MASP1: variants seen among roughly 807,000 people sequenced by gnomAD.
The protein encoded by MASP1 is mannan-binding lectin serine protease 1.
In MASP1, 59 loss-of-function variants were observed where a neutral mutation model predicts 77.1. The ratio of observed to expected loss-of-function variants is 0.77; its 90% CI spans 0.62 to 0.95. The LOEUF is 0.95. MASP1 is among the 40% of genes least tolerant of loss of function. MASP1 has a pLI of 0.00. For missense variants in MASP1, 885 were observed against 912.9 expected, an observed-to-expected ratio of 0.97 and a Z score of 0.39; for synonymous variants, 362 against 354.5, an observed-to-expected ratio of 1.02 and a Z score of -0.24.
intron 8 of MASP1, among the ~76,000 whole-genome samples, chr3:187,249,602 T>C (rs1579511070): frequency 6.6e-6 from 1 of 152,360 alleles, no homozygotes; most frequent in East Asian, 1.9e-4. Flanking sequence ...ATGATTTATA[T>C]AGACTATATC....
chr3:187,282,374 G>C (rs1717491589), intron 2 of MASP1, among the ~76,000 whole-genome samples: 1 of 151,838 alleles, frequency 6.6e-6, no homozygotes, highest in Non-Finnish European at 1.5e-5. Context: ...GCATGTGCCT[G>C]TCGTCCCAGC....
At position 187,286,031 on chromosome 3, in the gene MASP1, A is replaced by C. The variant is rs1186579194; in HGVS notation, c.31T>G (p.Cys11Gly). 1 of 1,614,090 alleles carries C rather than the reference A, an allele frequency of 6.2e-7. No homozygotes were observed. Among genetic ancestry groups the C allele is most frequent in the South Asian group, 1.1e-5 (1 of 91,090 alleles). The part of the protein sequence containing the change: MRWLLLYYAL[C>G]FSLSKASAHT... ...GCTGAAGCCTTTGACAGGGAGAAGC[A>C]CAGAGCATAATAGAGAAGCAGCCAC... Residue 11 changes from cysteine (C) to glycine (G), a missense_variant, in exon 2 of 11, where the codon TGC (cysteine) becomes GGC (glycine). Coordinates refer to ENST00000296280, the MANE Select transcript of MASP1 (RefSeq NM_139125.4).
At chr3:187,262,770 C>T in intron 2 of MASP1, 50 bp from the exon 3 acceptor site, 3 of 1,558,124 alleles carry the variant, frequency 1.9e-6, no homozygotes, top group Non-Finnish European at 2.7e-6. Flanking sequence ...CCCAGCTAGG[C>T]TTCTTTCCTT....
rs1714757855 is a variant in MASP1 at position 187,253,080 on chromosome 3, T to A, written c.892+88A>T. The A allele has an allele frequency of 1.9e-6, 3 of 1,573,560 alleles. No individual in the cohort carries two copies. In the South Asian group the frequency reaches 3.3e-5, roughly 18 times the overall value. On this transcript the variant is annotated intron_variant, in intron 6 of 10. Transcript: ENST00000296280. ...AGTCCCATCAGGTCTCCAGAGGAGA[T>A]CCAAGCCTGCACACCTCCTCCCTCA... is the stretch of plus-strand genomic sequence containing the variant.
chr3:187,284,415 A>G (rs1028475809), intron 2 of MASP1, among the ~76,000 whole-genome samples: 6 of 152,212 alleles, frequency 3.9e-5, no homozygotes, highest in Non-Finnish European at 8.8e-5. Flanking sequence ...TAAAAATCCC[A>G]CAATGCTCAA....
rs190840845 is a variant in MASP1, at chr3:187,279,853, C to T, written c.237+5972G>A. Among the ~76,000 whole-genome samples the T allele has an allele frequency of 6.6e-5, 10 of 152,360 alleles. No individual in the cohort carries two copies. In the East Asian group the frequency reaches 1.9e-3, roughly 29 times the overall value. On this transcript the variant is annotated intron_variant, in intron 2 of 10. Transcript: ENST00000296280. The stretch of plus-strand genomic sequence containing the variant: ...GACCACTCCCAAACTTATATACTGA[C>T]TGATAACCCTTGTGTTACTTTGTCT...
chr3:187,241,343 C>A, intron 10 of MASP1, 138 bp downstream of exon 10: 1 of 742,210 alleles, frequency 1.3e-6, no homozygotes, highest in Non-Finnish European at 2.5e-6. Flanking sequence ...GACCTTTAAC[C>A]TTTTGAAGAC....
At chr3:187,219,959 C>G (rs1174077431) in exon 16 of MASP1, 24 of 1,120,832 alleles carry the variant, frequency 2.1e-5, no homozygotes, top group Non-Finnish European at 2.9e-5. Context: ...AATGGATAGG[C>G]CGAAGGAGGG....
At chr3:187,230,572 G>C (rs972252030), downstream of MASP1, among the ~76,000 whole-genome samples, 10 of 152,204 alleles carry the variant, frequency 6.6e-5, no homozygotes, top group East Asian at 5.8e-4. Flanking sequence ...CATGAATCTT[G>C]TCTCCTCAGA....
intron 11 of MASP1, among the ~76,000 whole-genome samples, chr3:187,226,898 C>A (rs962717312): frequency 3.3e-5 from 5 of 152,166 alleles, no homozygotes; most frequent in African/African-American, 1.2e-4. Context: ...CCTGGACCAG[C>A]AACATTAGCA....
chr3:187,223,166 C>T (rs1214281700), exon 14 of MASP1: 4 of 1,613,220 alleles, frequency 2.5e-6, no homozygotes, highest in South Asian at 2.2e-5. Context: ...AGAACTGCTT[C>T]CCCCAGCCGC....
intron 2 of MASP1, among the ~76,000 whole-genome samples, chr3:187,276,166 C>T (rs1036370262): frequency 6.6e-6 from 1 of 150,968 alleles, no homozygotes. Flanking sequence ...CAAGTGTTTG[C>T]TCAAATGTCA....
At chr3:187,236,629 A>G in intron 10 of MASP1, 62 bp from the exon 11 acceptor site, 2 of 1,612,166 alleles carry the variant, frequency 1.2e-6, no homozygotes, top group Non-Finnish European at 8.5e-7. Flanking sequence ...GCCATGTGAC[A>G]GGAGCCACAA....
chr3:187,220,492 C>CTTTTT (rs747532550), intron 15 of MASP1, among the ~76,000 whole-genome samples: 10 of 134,562 alleles, frequency 7.4e-5, no homozygotes, highest in Non-Finnish European at 9.3e-5. Flanking sequence ...TTTCTTTTTT[C>CTTTTT]TTTCTTTTTT....
rs1342786562 is a variant in MASP1 at position 187,234,978 on chromosome 3, A to T, written c.*706T>A. 2 of 1,287,236 alleles carry T rather than the reference A, an allele frequency of 1.6e-6. No homozygotes were observed. Among genetic ancestry groups the T allele is most frequent in the Admixed American group, 4.6e-5 (2 of 43,566 alleles). The allele number at this position is 1,287,236 out of a possible 1,614,324, so 79.7% of individuals were successfully genotyped here. On this transcript the variant is annotated 3_prime_UTR_variant, in exon 11 of 11. Transcript: ENST00000296280. ...AATTTAAGGGCTTGGTGGGCCTCCC[A>T]CGGCTATTCTGCTCCCAGCAGTCAG... is the stretch of plus-strand genomic sequence containing the variant.
rs28945068 is a variant in MASP1, at chr3:187,241,507, C to T, written c.1277G>A (p.Gly426Glu). 0.016 allele frequency: 25,676 copies of T among 1,613,460 alleles called. 234 individuals carry two copies. Among genetic ancestry groups the T allele is most frequent in the Non-Finnish European group, 0.019 (22,393 of 1,179,510 alleles). Residue 426 changes from glycine (G) to glutamate (E), a missense_variant, in exon 10 of 11, where the codon GGG becomes GAG. By Grantham distance (98) the Gly-to-Glu change is moderately conservative (BLOSUM62 -2). Transcript: ENST00000296280. ...TGGAAGGCAGGTGGGTAGGCTTCTC[C>T]CCAATACTTTATTCATCCAGACTCC... The part of the protein sequence containing the change: ...AQGVWMNKVL[G>E]RSLPTCLPEC...
At chr3:187,251,817 C>T (rs534856530) in intron 6 of MASP1, 65 bp from the exon 7 acceptor site, 2 of 1,243,672 alleles carry the variant, frequency 1.6e-6, no homozygotes, top group Non-Finnish European at 2.4e-6. Context: ...AAGGGCCAGT[C>T]CCTAGAAAGC....
At chr3:187,223,227 A>G in intron 13 of MASP1, 1 of 1,572,976 alleles carries the variant, frequency 6.4e-7, no homozygotes, top group Non-Finnish European at 8.8e-7. Flanking sequence ...AGAACAGAGA[A>G]GCTATCTGTG....
chr3:187,220,787 C>T (rs143224291), intron 15 of MASP1, among the ~76,000 whole-genome samples: 22 of 152,324 alleles, frequency 1.4e-4, no homozygotes, highest in African/African-American at 4.6e-4. Context: ...CATGAACCAC[C>T]GTGCCCGGCC....
Sources: allele counts gnomAD v4.1 joint callset (sites outside exome capture counted in the v4.1 genomes callset), GRCh38; gene constraint gnomAD v4.1.1; transcripts MANE v1.5; gene names NCBI Gene and HGNC (gene_info 2026-07-23, HGNC 2026-07-21).